Variants in AKT3 observed in about 807,000 individuals in gnomAD.
AKT3 encodes the protein AKT serine/threonine kinase 3.
Under a neutral mutation model 65.3 loss-of-function variants are expected in AKT3, and 15 were observed. That is an observed-to-expected ratio of 0.23 (90% CI 0.15 to 0.35). AKT3 has a LOEUF of 0.35. Ranked by LOEUF, AKT3 falls within the 10% of genes least tolerant of loss-of-function variation. The pLI is 1.00. For missense variants in AKT3, 243 were observed against 576.5 expected (o/e 0.42, Z 5.92); for synonymous variants, 206 against 183.8 (o/e 1.12, Z -0.98).
At chr1:243,673,828 T>C (rs914351143) in intron 3 of AKT3, among the ~76,000 whole-genome samples, 1 of 152,134 alleles carries the variant, frequency 6.6e-6, no homozygotes. Flanking sequence ...TTGGTCAGGA[T>C]GGTCTCGGTC....
At chr1:243,808,124 TCTC>T (rs1257942925) in intron 2 of AKT3, 1 of 151,994 alleles carries the variant, frequency 6.6e-6, no homozygotes, top group Non-Finnish European at 1.5e-5. Context: ...TCAGAGCACC[TCTC>T]CTCCTCCAAA....
At chr1:243,842,360 T>C (rs571761052) in intron 2 of AKT3, among the ~76,000 whole-genome samples, 10 of 152,154 alleles carry the variant, frequency 6.6e-5, no homozygotes, top group Non-Finnish European at 1.3e-4. Flanking sequence ...GACGTGGCCA[T>C]GTGGGTAAAC....
intron 2 of AKT3, among the ~76,000 whole-genome samples, chr1:243,781,430 C>T (rs1257613615): frequency 6.6e-6 from 1 of 152,112 alleles, no homozygotes; most frequent in Non-Finnish European, 1.5e-5. Flanking sequence ...GCCATTTGTA[C>T]TTCCCTCCTC....
intron 8 of AKT3, among the ~76,000 whole-genome samples, chr1:243,598,080 A>G (rs1284091188): frequency 6.6e-6 from 1 of 152,172 alleles, no homozygotes; most frequent in Non-Finnish European, 1.5e-5. Flanking sequence ...GGCATAGGAA[A>G]ATGAGAAAAT....
chr1:243,741,103 G>GTTCCATATA (rs1261195333), intron 2 of AKT3, among the ~76,000 whole-genome samples: 1 of 152,106 alleles, frequency 6.6e-6, no homozygotes, highest in Non-Finnish European at 1.5e-5. Flanking sequence ...ATAACTGTAT[G>GTTCCATATA]TTCCATATAT....
chr1:243,589,849 CATCT>C lies in AKT3; in HGVS notation c.697-16805_697-16802del, dbSNP rs139306870. 7.2e-3 allele frequency among the ~76,000 whole-genome samples: 1,092 copies of C among 152,186 alleles called. 5 individuals are homozygous for C. The highest frequency in any genetic ancestry group is 9.8e-3 in the Non-Finnish European group (668 of 68,006). ...AGATTTCTTGGATATGAAGAAGCAACATCTATCAGCAGATAAATGGATAATGAAA... is the reference window on the plus strand; with the variant it reads ...AGATTTCTTGGATATGAAGAAGCAACATCAGCAGATAAATGGATAATGAAA... On this transcript the variant is annotated intron_variant, in intron 8 of 13. Coordinates refer to ENST00000673466, the MANE Select transcript of AKT3 (RefSeq NM_005465.7).
chr1:243,570,917 C>T (rs1343178226), intron 9 of AKT3, among the ~76,000 whole-genome samples: 1 of 152,138 alleles, frequency 6.6e-6, no homozygotes, highest in Non-Finnish European at 1.5e-5. Context: ...AACTAATTGA[C>T]TGATATTCAT....
intron 6 of AKT3, among the ~76,000 whole-genome samples, chr1:243,619,660 G>A (rs1224978326): frequency 1.0e-5 from 1 of 98,918 alleles, no homozygotes; most frequent in Non-Finnish European, 2.8e-5. Flanking sequence ...CATCAATGTT[G>A]CTGCAGATAA....
At chr1:243,603,619 C>T (rs72761619) in intron 8 of AKT3, among the ~76,000 whole-genome samples, 2,870 of 152,268 alleles carry the variant, frequency 0.019, 45 homozygotes, top group Middle Eastern at 0.037. Flanking sequence ...TGGGTTTTAA[C>T]ACTGCTCATG....
intron 8 of AKT3, among the ~76,000 whole-genome samples, chr1:243,603,059 T>C (rs1041618055): frequency 6.6e-6 from 1 of 152,230 alleles, no homozygotes; most frequent in African/African-American, 2.4e-5. Context: ...TCCCAGGATA[T>C]TTTTCTGCTT....
chr1:243,675,711 T>G (rs1683464580), intron 3 of AKT3, among the ~76,000 whole-genome samples: 1 of 152,240 alleles, frequency 6.6e-6, no homozygotes, highest in Non-Finnish European at 1.5e-5. Flanking sequence ...TGTTCTCATT[T>G]TCATTTCTTT....
At chr1:243,584,271 T>C (rs1366325848) in intron 8 of AKT3, among the ~76,000 whole-genome samples, 2 of 151,964 alleles carry the variant, frequency 1.3e-5, no homozygotes, top group Non-Finnish European at 2.9e-5. Flanking sequence ...AGGAACAAAT[T>C]GACACACTGT....
chr1:243,495,215 T>C (rs2148301180), downstream of AKT3, among the ~76,000 whole-genome samples: 1 of 152,288 alleles, frequency 6.6e-6, no homozygotes, highest in Middle Eastern at 3.4e-3. Context: ...CCCGGCCTCA[T>C]GTGTGCTGGG....
At chr1:243,642,873 GA>G (rs141537473) in intron 5 of AKT3, among the ~76,000 whole-genome samples, 73 of 152,230 alleles carry the variant, frequency 4.8e-4, no homozygotes, top group African/African-American at 1.7e-3. Flanking sequence ...AATCAATGAG[GA>G]ACATAAAGAA....
intron 4 of AKT3, among the ~76,000 whole-genome samples, chr1:243,663,310 T>A (rs952142259): frequency 6.6e-6 from 1 of 152,158 alleles, no homozygotes; most frequent in African/African-American, 2.4e-5. Context: ...CATTTTAAGC[T>A]CAGATCTGAA....
At chr1:243,608,202 C>A (rs1174148673) in intron 8 of AKT3, among the ~76,000 whole-genome samples, 1 of 152,202 alleles carries the variant, frequency 6.6e-6, no homozygotes, top group Non-Finnish European at 1.5e-5. Flanking sequence ...CAAACCTGTG[C>A]ATGTTTGTCT....
At position 243,795,260 on chromosome 1, in the gene AKT3, G is replaced by C. The variant is rs112198631; in HGVS notation, c.46+47865C>G. ...TGAAAGATCTGTGTGGGAAAACAGG[G>C]CTTAACGACTGGTAGAATTCACTTA... On this transcript the variant is annotated intron_variant, in intron 2 of 13. Transcript: ENST00000673466. Among the ~76,000 whole-genome samples the C allele has an allele frequency of 7.2e-4, 110 of 151,806 alleles. 2 individuals are homozygous for C. The highest frequency in any genetic ancestry group is 2.5e-3 in the African/African-American group (103 of 41,380).
At chr1:243,678,996 G>A (rs967408613) in intron 3 of AKT3, among the ~76,000 whole-genome samples, 4 of 151,966 alleles carry the variant, frequency 2.6e-5, no homozygotes, top group African/African-American at 7.2e-5. Flanking sequence ...GAGACAGAAA[G>A]ACTAACGCCT....
chr1:243,708,285 TCA>T (rs1455633878), intron 2 of AKT3, among the ~76,000 whole-genome samples: 1 of 151,914 alleles, frequency 6.6e-6, no homozygotes, highest in East Asian at 1.9e-4. Context: ...CAAACACTAT[TCA>T]ATTACTCAAA....
Sources: gnomAD v4.1 joint callset for allele counts (sites outside exome capture counted in the v4.1 genomes callset) on GRCh38, gnomAD v4.1.1 for gene constraint, MANE v1.5 for transcripts, NCBI Gene and HGNC (gene_info 2026-07-23, HGNC 2026-07-21) for gene names.